The following ORC5 variants were observed in gnomAD, a reference collection of about 807,000 sequenced individuals.
The protein encoded by ORC5 is protein phosphatase 1, regulatory subunit 117.
Under a neutral mutation model 58.8 loss-of-function variants are expected in ORC5, and 39 were observed. The ratio of observed to expected loss-of-function variants is 0.66; its 90% CI spans 0.51 to 0.87. The LOEUF is 0.87. ORC5 is among the 40% of genes least tolerant of loss of function. The pLI is 0.00. For missense variants in ORC5, 493 were observed against 506.3 expected (o/e 0.97, Z 0.25); for synonymous variants, 218 against 177.6 (o/e 1.23, Z -1.81).
intron 13 of ORC5, among the ~76,000 whole-genome samples, chr7:104,130,680 C>G (rs984400473): frequency 6.6e-6 from 1 of 152,200 alleles, no homozygotes; most frequent in African/African-American, 2.4e-5. Context: ...CTTTTCCACT[C>G]TCATAATCAC....
chr7:104,131,625 G>A lies in ORC5; in HGVS notation c.1263-4732C>T, dbSNP rs1410958209. On this transcript the variant is annotated intron_variant, in intron 13 of 13. Coordinates refer to ENST00000297431, the MANE Select transcript of ORC5 (RefSeq NM_002553.4). ...CTAGCACTTTGGGAGGCCGAGGTGG[G>A]TGGATCACCTGAGGTCAGGGGTTTG... 2.0e-5 allele frequency among the ~76,000 whole-genome samples: 3 copies of A among 152,140 alleles called. No individual in the cohort carries two copies. The East Asian group carries it at 5.8e-4, about 29-fold the overall frequency.
intron 2 of ORC5, among the ~76,000 whole-genome samples, chr7:104,201,563 T>G (rs904169339): frequency 1.3e-5 from 2 of 150,006 alleles, no homozygotes; most frequent in African/African-American, 4.9e-5. Flanking sequence ...ATGTCTGTAA[T>G]CCCAAGGCTT....
chr7:104,160,130 C>T (rs772304809), intron 12 of ORC5, among the ~76,000 whole-genome samples: 10 of 152,008 alleles, frequency 6.6e-5, no homozygotes, highest in Non-Finnish European at 1.0e-4. Context: ...AATGTAGATA[C>T]AATTTTCTAT....
intron 8 of ORC5, among the ~76,000 whole-genome samples, chr7:104,178,287 T>C (rs545044212): frequency 2.6e-5 from 4 of 152,356 alleles, no homozygotes; most frequent in South Asian, 2.1e-4. Context: ...TATCTCATTA[T>C]GGTTTTGATT....
chr7:104,181,713 A>G (rs1799435169), intron 8 of ORC5, among the ~76,000 whole-genome samples: 1 of 150,946 alleles, frequency 6.6e-6, no homozygotes, highest in Non-Finnish European at 1.5e-5. Flanking sequence ...AATGGCGTGA[A>G]CCCGGGAGGA....
At chr7:104,174,283 G>C (rs1799277127) in intron 8 of ORC5, among the ~76,000 whole-genome samples, 1 of 152,056 alleles carries the variant, frequency 6.6e-6, no homozygotes, top group Non-Finnish European at 1.5e-5. Context: ...GGTGGGCACA[G>C]CCTAGCTAAT....
At chr7:104,131,070 C>T (rs1369473806) in intron 13 of ORC5, among the ~76,000 whole-genome samples, 3 of 152,164 alleles carry the variant, frequency 2.0e-5, no homozygotes, top group East Asian at 3.8e-4. Context: ...CAGATTGGTG[C>T]CATTGTAAGT....
At chr7:104,151,549 A>G (rs1584487480) in intron 12 of ORC5, among the ~76,000 whole-genome samples, 1 of 152,346 alleles carries the variant, frequency 6.6e-6, no homozygotes, top group East Asian at 1.9e-4. Flanking sequence ...TAACGCGTAT[A>G]CTACATGGCA....
At chr7:104,199,734 T>A (rs777758793) in intron 3 of ORC5, among the ~76,000 whole-genome samples, 3 of 152,232 alleles carry the variant, frequency 2.0e-5, no homozygotes, top group Non-Finnish European at 4.4e-5. Flanking sequence ...TAAGCTGGAA[T>A]GAGTTAAGAC....
At chr7:104,149,918 T>G (rs1310477319) in intron 12 of ORC5, among the ~76,000 whole-genome samples, 5 of 152,220 alleles carry the variant, frequency 3.3e-5, no homozygotes, top group African/African-American at 1.2e-4. Context: ...ATTTTTAGAT[T>G]TACATCCTAA....
At chr7:104,206,468 G>A (rs572537506) in intron 1 of ORC5, among the ~76,000 whole-genome samples, 1 of 152,286 alleles carries the variant, frequency 6.6e-6, no homozygotes, top group African/African-American at 2.4e-5. Context: ...GAACATTTCT[G>A]GCTGGAGTGA....
At chr7:104,190,151 T>TA (rs199567862) in intron 5 of ORC5, among the ~76,000 whole-genome samples, 21 of 149,024 alleles carry the variant, frequency 1.4e-4, no homozygotes, top group East Asian at 5.9e-4. Context: ...AAACTGAGGG[T>TA]AAAAAAAAAA....
intron 6 of ORC5, 44 bp from the exon 7 acceptor site, chr7:104,184,215 G>A (rs544721054): frequency 1.5e-5 from 18 of 1,195,800 alleles, no homozygotes; most frequent in East Asian, 1.2e-4. Flanking sequence ...AGCACTGATC[G>A]ATCACAATTA....
chr7:104,188,528 C>T (rs1005963483), intron 5 of ORC5, 147 bp from the exon 6 acceptor site: 8 of 554,242 alleles, frequency 1.4e-5, no homozygotes, highest in Admixed American at 2.7e-5. Flanking sequence ...GATTAGAATA[C>T]AAAAGTGTGA....
chr7:104,178,776 T>C (rs2089884962), intron 8 of ORC5, among the ~76,000 whole-genome samples: 1 of 152,168 alleles, frequency 6.6e-6, no homozygotes, highest in Non-Finnish European at 1.5e-5. Flanking sequence ...TGCATACAGC[T>C]AGCCAGTTTT....
chr7:104,196,476 A>G (rs1405867885), intron 4 of ORC5, among the ~76,000 whole-genome samples: 3 of 152,206 alleles, frequency 2.0e-5, no homozygotes, highest in Admixed American at 6.5e-5. Flanking sequence ...CTTCCAGAAT[A>G]GGCCACCAAT....
chr7:104,147,728 G>C (rs1798784728), intron 12 of ORC5, among the ~76,000 whole-genome samples: 1 of 152,152 alleles, frequency 6.6e-6, no homozygotes, highest in Non-Finnish European at 1.5e-5. Flanking sequence ...AAACATTTCA[G>C]AGTTGTAACA....
In ORC5 at chr7:104,146,930, G is replaced by A. The variant is rs188058326; in HGVS notation, c.1150-10037C>T. ...GTGGGGAACCAGTAAAGGACACACA[G>A]GAAGAGAGAATACACATTATGTTTT... On this transcript the variant is annotated intron_variant, in intron 12 of 13. Transcript: ENST00000297431. Among the ~76,000 whole-genome samples, 7 of 152,234 alleles carry A rather than the reference G, an allele frequency of 4.6e-5. No homozygotes were observed. The East Asian group carries it at 1.4e-3, about 29-fold the overall frequency.
At chr7:104,167,385 A>G (rs1799125745) in intron 9 of ORC5, among the ~76,000 whole-genome samples, 1 of 152,248 alleles carries the variant, frequency 6.6e-6, no homozygotes, top group Non-Finnish European at 1.5e-5. Context: ...AAATCAAAGA[A>G]AACAAGCATT....
Sources: gnomAD v4.1 joint callset for allele counts (sites outside exome capture counted in the v4.1 genomes callset) on GRCh38, gnomAD v4.1.1 for gene constraint, MANE v1.5 for transcripts, NCBI Gene and HGNC (gene_info 2026-07-23, HGNC 2026-07-21) for gene names.